Variants in COTL1 observed in about 807,000 individuals in gnomAD.
COTL1 encodes the protein coactosin like F-actin binding protein 1, also known as coactosin-like protein.
COTL1 carries 15 observed loss-of-function variants against 16.5 expected under a neutral mutation model. That is an observed-to-expected ratio of 0.91 (90% CI 0.61 to 1.40). COTL1 has a LOEUF of 1.40. COTL1 is among the 40% of genes most tolerant of loss of function. The pLI is 0.00. For missense variants in COTL1, 220 were observed against 201.5 expected (o/e 1.09, Z -0.56); for synonymous variants, 112 against 85.3 (o/e 1.31, Z -1.73).
chr16:84,589,968 G>C (rs1481329840), intron 3 of COTL1, 137 bp downstream of exon 3: 2 of 774,274 alleles, frequency 2.6e-6, no homozygotes, highest in Non-Finnish European at 4.0e-6. Flanking sequence ...TGGCTTTACT[G>C]GTGCAGAGAC....
rs1905551935 is a variant in COTL1 at position 84,618,037 on chromosome 16, A to ACGCGG, written c.-128_-124dup. On this transcript the variant is annotated 5_prime_UTR_variant, in exon 1 of 4. Coordinates refer to ENST00000262428, the MANE Select transcript of COTL1 (RefSeq NM_021149.5). ...CGGGCTGGCGGCGGTGGCGACGGCT[A>ACGCGG]CGCGGCGCCTGCAAGCTGCGAGCGC... 2.4e-6 allele frequency: 1 copy of ACGCGG among 411,190 alleles called. No individual in the cohort carries two copies. Among genetic ancestry groups the ACGCGG allele is most frequent in the Non-Finnish European group, 3.4e-6 (1 of 291,660 alleles). The allele number at this position is 411,190 out of a possible 1,614,324, so 25.5% of individuals were successfully genotyped here.
At chr16:84,617,672 G>A in intron 1 of COTL1, 89 bp from the exon 2 acceptor site, 1 of 1,432,994 alleles carries the variant, frequency 7.0e-7, no homozygotes, top group Non-Finnish European at 9.6e-7. Context: ...TCTAACAGAC[G>A]CGCTGGCCAC....
At chr16:84,574,071 G>A (rs1904396272) in intron 3 of COTL1, among the ~76,000 whole-genome samples, 1 of 152,146 alleles carries the variant, frequency 6.6e-6, no homozygotes, top group Non-Finnish European at 1.5e-5. Context: ...GGGAGGCTGA[G>A]GCAGGAAGAT....
At chr16:84,612,587 A>G (rs1301395307) in intron 2 of COTL1, among the ~76,000 whole-genome samples, 2 of 152,164 alleles carry the variant, frequency 1.3e-5, no homozygotes, top group Non-Finnish European at 2.9e-5. Context: ...GTTTGAGACC[A>G]GCCTGGCCAA....
At chr16:84,586,132 G>C (rs1196066469) in intron 3 of COTL1, among the ~76,000 whole-genome samples, 3 of 152,164 alleles carry the variant, frequency 2.0e-5, no homozygotes, top group African/African-American at 4.8e-5. Flanking sequence ...AGCATGGACC[G>C]TTTCTTTGGC....
At chr16:84,614,829 A>G (rs1156692450) in intron 2 of COTL1, among the ~76,000 whole-genome samples, 1 of 152,122 alleles carries the variant, frequency 6.6e-6, no homozygotes, top group South Asian at 2.1e-4. Context: ...CCTGCAAGCA[A>G]TCCCACGAGA....
intron 3 of COTL1, among the ~76,000 whole-genome samples, chr16:84,581,977 T>C (rs1217601791): frequency 2.5e-5 from 2 of 79,436 alleles, no homozygotes; most frequent in African/African-American, 8.8e-5. Flanking sequence ...ATACATTTCT[T>C]CTTTTTTTTT....
chr16:84,603,319 T>TA (rs1905138982), intron 2 of COTL1, among the ~76,000 whole-genome samples: 1 of 152,202 alleles, frequency 6.6e-6, no homozygotes, highest in South Asian at 2.1e-4. Flanking sequence ...GAACCTCCCC[T>TA]CTTCCCAAAG....
Position 84,617,936 on chromosome 16 carries a change from C to T in COTL1, c.-22G>A, listed in dbSNP as rs542958429. 6.5e-7 allele frequency: 1 copy of T among 1,544,666 alleles called. No individual in the cohort carries two copies. Among genetic ancestry groups the T allele is most frequent in the East Asian group, 2.5e-5 (1 of 40,778 alleles). ...CCATCGCCGCGGAGCCGCAGCGGGA[C>T]ACTGTCCGGGGCGGCCGAGCGCGCC... is the stretch of plus-strand genomic sequence containing the variant. On this transcript the variant is annotated 5_prime_UTR_variant, in exon 1 of 4. Transcript: ENST00000262428.
intron 3 of COTL1, among the ~76,000 whole-genome samples, chr16:84,570,829 A>C (rs775970232): frequency 3.3e-5 from 5 of 152,246 alleles, no homozygotes; most frequent in Admixed American, 6.5e-5. Flanking sequence ...AAAGGGTTAG[A>C]AAGCAAGTGT....
intron 3 of COTL1, among the ~76,000 whole-genome samples, chr16:84,571,552 C>G (rs766036069): frequency 6.6e-6 from 1 of 152,192 alleles, no homozygotes; most frequent in Non-Finnish European, 1.5e-5. Flanking sequence ...TTTGTGTCTC[C>G]TCCTCGTGCT....
intron 2 of COTL1, 66 bp downstream of exon 2, chr16:84,617,435 G>A (rs1905519603): frequency 1.4e-6 from 2 of 1,467,204 alleles, no homozygotes; most frequent in Non-Finnish European, 1.9e-6. Context: ...CGCTCTGGCC[G>A]GGGCTCCCCG....
At chr16:84,599,088 T>G (rs1004859084) in intron 2 of COTL1, among the ~76,000 whole-genome samples, 2 of 62,534 alleles carry the variant, frequency 3.2e-5, no homozygotes, top group East Asian at 7.0e-4. Context: ...CCTCCCCCCC[T>G]TCCCCCTCCC....
intron 2 of COTL1, among the ~76,000 whole-genome samples, chr16:84,592,082 C>T (rs1025188542): frequency 2.0e-5 from 3 of 152,164 alleles, no homozygotes; most frequent in African/African-American, 7.2e-5. Context: ...CCAGTTATGA[C>T]AAACAAAAAT....
chr16:84,598,648 TCCCCCCCAACCCC>T (rs1905052400), intron 2 of COTL1, among the ~76,000 whole-genome samples: 2 of 44,480 alleles, frequency 4.5e-5, no homozygotes, highest in South Asian at 1.7e-3. Context: ...CCTCCCCTTC[TCCCCCCCAACCCC>T]CCCCACCAAC....
intron 3 of COTL1, among the ~76,000 whole-genome samples, chr16:84,573,844 T>C (rs1212377973): frequency 1.3e-5 from 2 of 152,028 alleles, no homozygotes; most frequent in Non-Finnish European, 2.9e-5. Context: ...ATGTAAATTG[T>C]GTTTCAGCTG....
At chr16:84,573,753 AT>A (rs1454509760) in intron 3 of COTL1, among the ~76,000 whole-genome samples, 7 of 56,426 alleles carry the variant, frequency 1.2e-4, no homozygotes, top group African/African-American at 3.7e-4. Context: ...AAAAAAAAAA[AT>A]ATATATATAT....
At chr16:84,606,478 G>A (rs187966228) in intron 2 of COTL1, among the ~76,000 whole-genome samples, 1 of 152,374 alleles carries the variant, frequency 6.6e-6, no homozygotes, top group East Asian at 1.9e-4. Context: ...TTGCCCCACG[G>A]GGCTTGGATG....
chr16:84,612,205 C>A (rs1172203261), intron 2 of COTL1, among the ~76,000 whole-genome samples: 1 of 152,210 alleles, frequency 6.6e-6, no homozygotes, highest in African/African-American at 2.4e-5. Context: ...CACACTGTAG[C>A]AGGTTACCAG....
Sources: allele counts gnomAD v4.1 joint callset (sites outside exome capture counted in the v4.1 genomes callset), GRCh38; gene constraint gnomAD v4.1.1; transcripts MANE v1.5; gene names NCBI Gene and HGNC (gene_info 2026-07-23, HGNC 2026-07-21).